Variants in MCF2L2 observed in about 807,000 individuals in gnomAD.
MCF2L2 encodes probable guanine nucleotide exchange factor MCF2L2.
Under a neutral mutation model 150.2 loss-of-function variants are expected in MCF2L2, and 102 were observed. That is an observed-to-expected ratio of 0.68 (90% CI 0.58 to 0.80). The LOEUF (loss-of-function observed/expected upper bound fraction) is 0.80. Ranked by LOEUF, MCF2L2 falls within the 30% of genes least tolerant of loss-of-function variation. The pLI, the probability that MCF2L2 is intolerant of heterozygous loss-of-function variation, is 0.00. For missense variants in MCF2L2, 1,256 were observed against 1,372.8 expected (o/e 0.91, Z 1.34); for synonymous variants, 465 against 491.3 (o/e 0.95, Z 0.71).
At chr3:183,234,709 T>TTA (rs1491223299) in intron 15 of MCF2L2, among the ~76,000 whole-genome samples, 1 of 122,154 alleles carries the variant, frequency 8.2e-6, no homozygotes, top group Non-Finnish European at 1.8e-5. Flanking sequence ...TTTTTTTTTT[T>TTA]ATTATACTCT....
chr3:183,353,161 T>TA lies in MCF2L2; in HGVS notation c.276-11532dup, dbSNP rs201270028. On this transcript the variant is annotated intron_variant, in intron 3 of 29. Transcript: ENST00000328913. ...GTTTCCATTTAAAAAATTTAAAAATTAAAAAAAACCCAAAGCCTCTTAAGT... is the reference window on the plus strand; with the variant it reads ...GTTTCCATTTAAAAAATTTAAAAATTAAAAAAAAACCCAAAGCCTCTTAAGT... Among the ~76,000 whole-genome samples the TA allele has an allele frequency of 7.5e-3, 1,138 of 151,932 alleles. 9 individuals are homozygous for TA. The highest frequency in any genetic ancestry group is 0.026 in the African/African-American group (1,061 of 41,436).
In MCF2L2 at chr3:183,216,431, TATAA is replaced by T. The variant is rs201653394; in HGVS notation, c.2371-341_2371-338del. ...ATGTTTCTTATGTGTATATATATTA[TATAA>T]ATATTTATATAGTATATTAAATATT... is the stretch of plus-strand genomic sequence containing the variant. On this transcript the variant is annotated intron_variant, in intron 21 of 29. Transcript: ENST00000328913. 1.4e-3 allele frequency among the ~76,000 whole-genome samples: 197 copies of T among 142,054 alleles called. 5 individuals are homozygous for T. In the East Asian group the frequency reaches 0.031, roughly 22 times the overall value. The allele number at this position is 142,054 out of a possible 152,430, so 93.2% of individuals were successfully genotyped here. A position where few individuals can be genotyped will look rare whatever the true frequency, so the allele number is the denominator to read the frequency against.
At chr3:183,353,280 T>G (rs796546196) in intron 3 of MCF2L2, among the ~76,000 whole-genome samples, 19 of 152,294 alleles carry the variant, frequency 1.2e-4, no homozygotes, top group African/African-American at 4.6e-4. Context: ...AGAGGATACT[T>G]CCGCTTTACA....
chr3:183,351,222 A>ATT (rs1731116721), intron 3 of MCF2L2, among the ~76,000 whole-genome samples: 2 of 90,196 alleles, frequency 2.2e-5, no homozygotes, highest in Non-Finnish European at 4.0e-5. Flanking sequence ...ATATATATAT[A>ATT]TATATATATA....
intron 2 of MCF2L2, among the ~76,000 whole-genome samples, chr3:183,385,829 T>G (rs1055553479): frequency 5.3e-5 from 8 of 152,206 alleles, no homozygotes; most frequent in African/African-American, 1.9e-4. Flanking sequence ...GACAGAATTC[T>G]GGAATGAGAC....
At chr3:183,191,627 A>G (rs551585546) in intron 27 of MCF2L2, among the ~76,000 whole-genome samples, 81 of 152,280 alleles carry the variant, frequency 5.3e-4, no homozygotes, top group Non-Finnish European at 1.0e-3. Flanking sequence ...CAAAATGAGT[A>G]CAAATTTCTT....
intron 10 of MCF2L2, among the ~76,000 whole-genome samples, chr3:183,308,486 T>C (rs901048550): frequency 1.3e-5 from 2 of 152,208 alleles, no homozygotes; most frequent in Non-Finnish European, 2.9e-5. Flanking sequence ...ATGACTCATG[T>C]GTCTTTAGCA....
chr3:183,322,283 C>T (rs1729843506), intron 6 of MCF2L2, among the ~76,000 whole-genome samples: 1 of 152,164 alleles, frequency 6.6e-6, no homozygotes, highest in African/African-American at 2.4e-5. Flanking sequence ...GACAATACAT[C>T]ACTTATTCCC....
At chr3:183,263,818 C>T (rs937280338) in intron 15 of MCF2L2, among the ~76,000 whole-genome samples, 1 of 152,150 alleles carries the variant, frequency 6.6e-6, no homozygotes. Flanking sequence ...GAAATTAGCT[C>T]TTACTTCTCT....
intron 3 of MCF2L2, among the ~76,000 whole-genome samples, chr3:183,351,226 AT>A (rs1731119292): frequency 1.8e-4 from 16 of 89,788 alleles, no homozygotes; most frequent in East Asian, 7.9e-4. Flanking sequence ...ATATATATAT[AT>A]ATATATATAT....
intron 11 of MCF2L2, 128 bp from the exon 12 acceptor site, chr3:183,297,295 C>A: frequency 1.2e-6 from 1 of 832,380 alleles, no homozygotes; most frequent in South Asian, 1.7e-5. Flanking sequence ...TGTCATGGGA[C>A]GGCATCGAGT....
intron 27 of MCF2L2, among the ~76,000 whole-genome samples, chr3:183,186,162 C>G (rs1044234847): frequency 4.6e-5 from 7 of 152,082 alleles, no homozygotes; most frequent in African/African-American, 1.7e-4. Context: ...TCAGTCAAAG[C>G]CTTGCCCATT....
intron 15 of MCF2L2, among the ~76,000 whole-genome samples, chr3:183,234,378 T>C (rs927846471): frequency 1.3e-5 from 2 of 152,190 alleles, no homozygotes; most frequent in African/African-American, 4.8e-5. Flanking sequence ...CTTTTAGGAC[T>C]CTAATACAGG....
intron 4 of MCF2L2, among the ~76,000 whole-genome samples, chr3:183,340,737 G>A (rs1214101673): frequency 1.3e-5 from 2 of 152,098 alleles, no homozygotes; most frequent in Non-Finnish European, 2.9e-5. Flanking sequence ...GAGGTCAGGA[G>A]TTCGAGACCA....
intron 5 of MCF2L2, among the ~76,000 whole-genome samples, chr3:183,333,086 G>A (rs1408255562): frequency 1.3e-5 from 2 of 151,832 alleles, no homozygotes; most frequent in African/African-American, 4.8e-5. Flanking sequence ...TTGCTCTGTC[G>A]CCCAGGTTGG....
At chr3:183,273,818 G>A (rs998019701) in intron 15 of MCF2L2, among the ~76,000 whole-genome samples, 3 of 152,172 alleles carry the variant, frequency 2.0e-5, no homozygotes, top group South Asian at 2.1e-4. Flanking sequence ...TCTAGCCCAG[G>A]AGCAATAGGC....
At chr3:183,280,858 A>C (rs1178087227) in intron 14 of MCF2L2, among the ~76,000 whole-genome samples, 7 of 149,506 alleles carry the variant, frequency 4.7e-5, no homozygotes, top group African/African-American at 7.6e-5. Context: ...AAAAAAAAAA[A>C]AAAACAAACA....
intron 7 of MCF2L2, among the ~76,000 whole-genome samples, chr3:183,316,307 TTTTTG>T (rs1037183128): frequency 8.6e-5 from 13 of 151,388 alleles, no homozygotes; most frequent in Non-Finnish European, 1.3e-4. Context: ...AGATTTTTTT[TTTTTG>T]TTTGTTTTAT....
intron 3 of MCF2L2, among the ~76,000 whole-genome samples, chr3:183,363,891 G>A (rs536309488): frequency 6.6e-6 from 1 of 152,122 alleles, no homozygotes; most frequent in African/African-American, 2.4e-5. Flanking sequence ...AGTAACAGAG[G>A]ATTCACCATC....
Sources: gnomAD v4.1 joint callset for allele counts (sites outside exome capture counted in the v4.1 genomes callset) on GRCh38, gnomAD v4.1.1 for gene constraint, MANE v1.5 for transcripts, NCBI Gene and HGNC (gene_info 2026-07-23, HGNC 2026-07-21) for gene names.